The following HSPG2 variants were observed in gnomAD, a reference collection of about 807,000 sequenced individuals.
HSPG2 encodes heparan sulfate proteoglycan 2.
A neutral mutation model predicts 526.6 loss-of-function variants in HSPG2; 278 were observed. The ratio of observed to expected loss-of-function variants is 0.53; its 90% CI spans 0.48 to 0.58. HSPG2 has a LOEUF of 0.58. Among genes scored for constraint, HSPG2 ranks in the 20% least tolerant of loss-of-function variants. The pLI is 0.00. For synonymous variants in HSPG2, 2,465 were observed against 2,555.4 expected, an observed-to-expected ratio of 0.96 and a Z score of 1.07; for missense variants, 5,354 against 6,099.5, an observed-to-expected ratio of 0.88 and a Z score of 4.07.
At chr1:21,842,963 G>A (rs758751657) in intron 66 of HSPG2, 42 bp from the exon 67 acceptor site, 1 of 1,611,534 alleles carries the variant, frequency 6.2e-7, no homozygotes, top group Non-Finnish European at 8.5e-7. Flanking sequence ...AGGCTCCGGG[G>A]ATCAAGGCAG....
intron 24 of HSPG2, 37 bp downstream of exon 24, chr1:21,875,826 G>T: frequency 6.2e-7 from 1 of 1,610,800 alleles, no homozygotes; most frequent in Non-Finnish European, 8.5e-7. Flanking sequence ...GCAAGGGCCT[G>T]CCCGCACCCC....
intron 29 of HSPG2, 136 bp from the exon 30 acceptor site, chr1:21,873,560 G>C: frequency 1.1e-6 from 1 of 925,248 alleles, no homozygotes; most frequent in Non-Finnish European, 1.8e-6. Flanking sequence ...CCATGTTACG[G>C]GGAAACTGGG....
chr1:21,848,529 T>G lies in HSPG2; in HGVS notation c.7737+114A>C. ...TCTAGGACCCATCCAGCAAGGATAC[T>G]CAATGTTTGTTGAATGACTGAATGA... On this transcript the variant is annotated intron_variant, in intron 59 of 96. Transcript: ENST00000374695. This position sits in a 1 kb window ranked among gnomAD's most constrained non-coding sequence, Gnocchi z 4.9. The G allele has an allele frequency of 8.0e-7, 1 of 1,245,334 alleles. No individual in the cohort carries two copies. The highest frequency in any genetic ancestry group is 1.2e-5 in the South Asian group (1 of 82,996). 77.1% of individuals were successfully genotyped at this position (1,245,334 alleles called of 1,614,324 possible).
intron 47 of HSPG2, 126 bp downstream of exon 47, chr1:21,855,178 C>T: frequency 1.4e-6 from 2 of 1,404,192 alleles, no homozygotes; most frequent in Non-Finnish European, 1.9e-6. Flanking sequence ...CAGGAGACCA[C>T]CATCTTGGAG....
At chr1:21,884,991 C>A (rs370953718) in intron 11 of HSPG2, 22 bp downstream of exon 11, 37 of 1,613,916 alleles carry the variant, frequency 2.3e-5, no homozygotes, top group Non-Finnish European at 3.1e-5. Flanking sequence ...TCCCACCCCA[C>A]CACCTGGGCC....
chr1:21,887,634 A>G lies in HSPG2; in HGVS notation c.744T>C (p.Leu248=), dbSNP rs2229478. ...GGGGCGGTAAAGATGTCGTCTCCAC[A>G]AGGAGAGAGAATGTGGGGCTGATAC... ...VLGISPTFSL[L]VETTSLPPRP... Residue 248 remains leucine (L), a synonymous_variant, in exon 8 of 97, where the codon CTT becomes CTC. Coordinates refer to ENST00000374695, the MANE Select transcript of HSPG2 (RefSeq NM_005529.7). This position sits in a 1 kb window ranked among gnomAD's most constrained non-coding sequence, Gnocchi z 5.0. 0.37 allele frequency: 592,516 copies of G among 1,613,516 alleles called. 115,640 individuals are homozygous for G. The highest frequency in any genetic ancestry group is 0.64 in the African/African-American group (48,034 of 74,896).
rs752094538 is a variant in HSPG2, at chr1:21,822,893, G to A, written c.*423C>T. On this transcript the variant is annotated 3_prime_UTR_variant, in exon 97 of 97. Coordinates refer to ENST00000374695, the MANE Select transcript of HSPG2 (RefSeq NM_005529.7). ...CTGAGTGGGTGGCAGAGACTCCTGCGATGCCCGTCTCAGGTAGCTGTGGGG... is the reference window on the plus strand; with the variant it reads ...CTGAGTGGGTGGCAGAGACTCCTGCAATGCCCGTCTCAGGTAGCTGTGGGG... 1 of 168,626 alleles carries A rather than the reference G, an allele frequency of 5.9e-6. No individual in the cohort carries two copies. Among genetic ancestry groups the A allele is most frequent in the South Asian group, 1.7e-4 (1 of 5,822 alleles). 10.4% of individuals were successfully genotyped at this position (168,626 alleles called of 1,614,324 possible).
chr1:21,846,213 C>T lies in HSPG2; in HGVS notation c.8359G>A (p.Asp2787Asn), dbSNP rs775691701. 34 of 1,612,908 alleles carry T rather than the reference C, an allele frequency of 2.1e-5. No individual in the cohort carries two copies. In the East Asian group the frequency reaches 2.5e-4, roughly 12 times the overall value. ...RLRLHHVSPA[D>N]SGEYVCRVMG... ...ACCCGGCACACGTATTCACCCGAGT[C>T]GGCCGGGGACACATGGTGCAGCCGC... Residue 2787 changes from aspartate (D) to asparagine (N), a missense_variant, in exon 64 of 97, where the codon GAC becomes AAC. By Grantham distance (23) the Asp-to-Asn change is conservative. Coordinates refer to ENST00000374695, the MANE Select transcript of HSPG2 (RefSeq NM_005529.7).
chr1:21,836,715 G>A (rs1180019536), intron 75 of HSPG2, 87 bp downstream of exon 75: 71 of 1,153,356 alleles, frequency 6.2e-5, no homozygotes, highest in Non-Finnish European at 7.5e-5. Flanking sequence ...TTCATGTTGC[G>A]CCCCCTGGGG....
At chr1:21,833,130 TG>T in intron 80 of HSPG2, 137 bp downstream of exon 80, 1 of 763,768 alleles carries the variant, frequency 1.3e-6, no homozygotes, top group Non-Finnish European at 2.3e-6. Context: ...CCCAGAGGTC[TG>T]GGGGCTTCTG....
At chr1:21,916,454 G>A (rs995906427) in intron 1 of HSPG2, among the ~76,000 whole-genome samples, 5 of 152,054 alleles carry the variant, frequency 3.3e-5, no homozygotes, top group Admixed American at 6.5e-5. Context: ...GCGGTGAACC[G>A]AGATTGTGTC....
chr1:21,823,590 G>A, intron 96 of HSPG2, 26 bp downstream of exon 96: 1 of 1,609,144 alleles, frequency 6.2e-7, no homozygotes, highest in Non-Finnish European at 8.5e-7. Context: ...TCCTGCCCCT[G>A]CCCTGAGAAG....
In HSPG2 at chr1:21,824,219, G is replaced by T. The variant is rs1220119984; in HGVS notation, c.12816-15C>A. 1 of 1,613,720 alleles carries T rather than the reference G, an allele frequency of 6.2e-7. No homozygotes were observed. Among genetic ancestry groups the T allele is most frequent in the East Asian group, 2.2e-5 (1 of 44,868 alleles). On this transcript the variant is annotated splice_polypyrimidine_tract_variant and intron_variant, in intron 94 of 96. Coordinates refer to ENST00000374695, the MANE Select transcript of HSPG2 (RefSeq NM_005529.7). The surrounding 1 kb of genome is among the most constrained non-coding windows in gnomAD (Gnocchi z 5.9). ...CCAGCTGGTACCTGCAGTCATCCAGGCCCAAGAAGTATGAGCTGGGGCAGG... is the reference window on the plus strand; with the variant it reads ...CCAGCTGGTACCTGCAGTCATCCAGTCCCAAGAAGTATGAGCTGGGGCAGG...
Position 21,875,983 on chromosome 1 carries a change from G to A in HSPG2, c.3063C>T (p.Ser1021=). The change falls in exon 24 of 97, where the codon TCC becomes TCT. Residue 1021 remains serine, a synonymous_variant. Coordinates refer to ENST00000374695, the MANE Select transcript of HSPG2 (RefSeq NM_005529.7). ...FTVTQRSQPG[S]TPLHGQPLVV... ...CCAACGGCTGCCCGTGCAGGGGTGT[G>A]GAGCCCGGCTGGGACCTCTGGGTCA... 1 of 1,614,186 alleles carries A rather than the reference G, an allele frequency of 6.2e-7. No individual in the cohort carries two copies. The highest frequency in any genetic ancestry group is 8.5e-7 in the Non-Finnish European group (1 of 1,180,032).
At chr1:21,861,018 C>T (rs535540045) in intron 39 of HSPG2, among the ~76,000 whole-genome samples, 100 of 152,324 alleles carry the variant, frequency 6.6e-4, no homozygotes, top group African/African-American at 2.3e-3. Context: ...TGGGACTTCT[C>T]GTATTACCTC....
At position 21,873,538 on chromosome 1, in the gene HSPG2, A is replaced by G; in HGVS notation, c.3744-114T>C. On this transcript the variant is annotated intron_variant, in intron 29 of 96. Coordinates refer to ENST00000374695, the MANE Select transcript of HSPG2 (RefSeq NM_005529.7). ...GCCTCATGCACTGGAAGAAAAGAAGAGCCTGACTCGCCCATGTTACGGGGA... is the reference window on the plus strand; with the variant it reads ...GCCTCATGCACTGGAAGAAAAGAAGGGCCTGACTCGCCCATGTTACGGGGA... 1.9e-6 allele frequency: 2 copies of G among 1,058,322 alleles called. 1 individual carries two copies. Among genetic ancestry groups the G allele is most frequent in the South Asian group, 2.5e-5 (2 of 78,458 alleles). 65.6% of individuals were successfully genotyped at this position (1,058,322 alleles called of 1,614,324 possible).
At position 21,848,726 on chromosome 1, in the gene HSPG2, C is replaced by T. The variant is rs771216034; in HGVS notation, c.7654G>A (p.Asp2552Asn). ...SASLANGHTL[D>N]LNCLVASQAP... Reference sequence around the variant, plus strand: ...TGGCTGGCAACCAGGCAGTTGAGGTCCAGGGTGTGTCCATTGGCCAGGGAG... The same window carrying T: ...TGGCTGGCAACCAGGCAGTTGAGGTTCAGGGTGTGTCCATTGGCCAGGGAG... The change falls in exon 59 of 97, where the codon GAC becomes AAC. Residue 2552 changes from aspartate to asparagine, a missense_variant. Transcript: ENST00000374695. This position sits in a 1 kb window ranked among gnomAD's most constrained non-coding sequence, Gnocchi z 4.9. The T allele has an allele frequency of 6.2e-7, 1 of 1,613,856 alleles. No individual in the cohort carries two copies. The highest frequency in any genetic ancestry group is 8.5e-7 in the Non-Finnish European group (1 of 1,179,944).
In HSPG2 at chr1:21,887,959, T is replaced by C. The variant is rs529397302; in HGVS notation, c.682A>G (p.Met228Val). Reference protein sequence around the residue: ...RCDRRPDCRDMSDELNCEEPV... With the variant: ...RCDRRPDCRDVSDELNCEEPV... ...TCACCACAATTGAGCTCATCAGACA[T>C]GTCCCTGCAGTCGGGCCGCCGGTCA... is the stretch of plus-strand genomic sequence containing the variant. Residue 228 changes from methionine (M) to valine (V), a missense_variant, in exon 7 of 97, where the codon ATG (methionine) becomes GTG (valine). Physicochemically the swap from Met to Val is conservative, Grantham distance 21 (BLOSUM62 1). Coordinates refer to ENST00000374695, the MANE Select transcript of HSPG2 (RefSeq NM_005529.7). This position sits in a 1 kb window ranked among gnomAD's most constrained non-coding sequence, Gnocchi z 5.0. 8.7e-6 allele frequency: 14 copies of C among 1,614,126 alleles called. No homozygotes were observed. In the East Asian group the frequency reaches 2.2e-4, roughly 26 times the overall value.
chr1:21,887,102 G>A lies in HSPG2; in HGVS notation c.1078+113C>T. 1 of 1,230,986 alleles carries A rather than the reference G, an allele frequency of 8.1e-7. No individual in the cohort carries two copies. The highest frequency in any genetic ancestry group is 1.2e-6 in the Non-Finnish European group (1 of 860,960). The allele number at this position is 1,230,986 out of a possible 1,614,324, so 76.3% of individuals were successfully genotyped here. A position where few individuals can be genotyped will look rare whatever the true frequency, so the allele number is the denominator to read the frequency against. On this transcript the variant is annotated intron_variant, in intron 9 of 96. Coordinates refer to ENST00000374695, the MANE Select transcript of HSPG2 (RefSeq NM_005529.7). The surrounding 1 kb of genome is among the most constrained non-coding windows in gnomAD (Gnocchi z 5.0). ...CAAACAAACAGGCTTGGGGGACTGG[G>A]GAGGGGGGAAAGCGGAGGGGCAGGG... is the stretch of plus-strand genomic sequence containing the variant.
Sources: gnomAD v4.1 joint callset for allele counts (sites outside exome capture counted in the v4.1 genomes callset) on GRCh38, gnomAD v4.1.1 for gene constraint, Gnocchi (gnomAD v3.1) non-coding constraint, MANE v1.5 for transcripts, NCBI Gene and HGNC (gene_info 2026-07-23, HGNC 2026-07-21) for gene names.